The following AGL variants were observed in gnomAD, a reference collection of about 807,000 sequenced individuals.
AGL encodes the protein amylo-alpha-1,6-glucosidase and 4-alpha-glucanotransferase.
Under a neutral mutation model 199.3 loss-of-function variants are expected in AGL, and 128 were observed. The observed-to-expected ratio is 0.64, with a 90% CI of 0.56 to 0.74. The LOEUF is 0.74. Ranked by LOEUF, AGL falls within the 30% of genes least tolerant of loss-of-function variation. The pLI, the probability that AGL is intolerant of heterozygous loss-of-function variation, is 0.00. For missense variants in AGL, 1,809 were observed against 1,820.8 expected (o/e 0.99, Z 0.12); for synonymous variants, 584 against 594.7 (o/e 0.98, Z 0.26).
intron 2 of AGL, among the ~76,000 whole-genome samples, chr1:99,854,670 A>T (rs1429304146): frequency 6.6e-6 from 1 of 151,850 alleles, no homozygotes; most frequent in Non-Finnish European, 1.5e-5. Context: ...AGGCTGAGGC[A>T]GGAGAAAGGC....
In AGL at chr1:99,902,582, A is replaced by G. The variant is rs1653926776; in HGVS notation, c.3589-101A>G. ...CCCCAATTCCTATTTCTCACTTCAA[A>G]GGAAAGTATATATTTTCACATTACT... On this transcript the variant is annotated intron_variant, in intron 26 of 33. Transcript: ENST00000361915. 5 of 969,620 alleles carry G rather than the reference A, an allele frequency of 5.2e-6. No individual in the cohort carries two copies. In the East Asian group the frequency reaches 1.3e-4, roughly 24 times the overall value. The allele number at this position is 969,620 out of a possible 1,614,324, so 60.1% of individuals were successfully genotyped here.
intron 25 of AGL, among the ~76,000 whole-genome samples, chr1:99,899,196 G>A (rs534785087): frequency 6.6e-6 from 1 of 152,246 alleles, no homozygotes; most frequent in East Asian, 1.9e-4. Flanking sequence ...TTGCATTACT[G>A]TTGAAAAGAT....
intron 2 of AGL, among the ~76,000 whole-genome samples, chr1:99,851,430 C>T (rs1467230376): frequency 6.6e-6 from 1 of 152,112 alleles, no homozygotes; most frequent in African/African-American, 2.4e-5. Flanking sequence ...TTTCTAATAA[C>T]ATTTACTATT....
At chr1:99,865,925 G>T (rs574592) in intron 5 of AGL, among the ~76,000 whole-genome samples, 1 of 152,028 alleles carries the variant, frequency 6.6e-6, no homozygotes, top group Non-Finnish European at 1.5e-5. Flanking sequence ...CCAGTTCTAC[G>T]GTGAAAACTT....
intron 28 of AGL, 89 bp downstream of exon 28, chr1:99,910,936 T>G: frequency 7.2e-7 from 1 of 1,390,544 alleles, no homozygotes; most frequent in Non-Finnish European, 1.0e-6. Flanking sequence ...AACTATGAAC[T>G]CTTTACATTA....
Position 99,922,309 on chromosome 1 carries a change from AAC to A in AGL, c.*660_*661del, listed in dbSNP as rs1165070266. 6.6e-6 allele frequency: 1 copy of A among 151,852 alleles called. No individual in the cohort carries two copies. The highest frequency in any genetic ancestry group is 1.5e-5 in the Non-Finnish European group (1 of 67,814). The allele number at this position is 151,852 out of a possible 1,614,324, so 9.4% of individuals were successfully genotyped here. ...AGCATTAGGAAATTTATTTCCTAAA[AAC>A]AGTTTTGTAAAATTAGTATTGAGTT... On this transcript the variant is annotated 3_prime_UTR_variant, in exon 34 of 34. Transcript: ENST00000361915.
At position 99,886,387 on chromosome 1, in the gene AGL, C is replaced by T. The variant is rs117529678; in HGVS notation, c.2682-1591C>T. Among the ~76,000 whole-genome samples the T allele has an allele frequency of 2.6e-4, 40 of 151,970 alleles. No homozygotes were observed. The East Asian group carries it at 6.2e-3, about 24-fold the overall frequency. ...ACAGCTGTTCAGGAAGCTGAGGTAA[C>T]AGCATCAGCATCAGTTGAGCCCAGG... On this transcript the variant is annotated intron_variant, in intron 20 of 33. Transcript: ENST00000361915.
rs1327252701 is a variant in AGL at position 99,864,601 on chromosome 1, A to G, written c.664+12A>G. ...CTACAATCATACTGGTATGAGCTTC[A>G]TTGACTGCCTTCATTAATTTTGATG... On this transcript the variant is annotated intron_variant, in intron 5 of 33. Transcript: ENST00000361915. The G allele has an allele frequency of 1.2e-6, 2 of 1,604,146 alleles. No individual in the cohort carries two copies. Among genetic ancestry groups the G allele is most frequent in the Non-Finnish European group, 1.7e-6 (2 of 1,171,372 alleles).
In AGL at chr1:99,876,598, G is replaced by T. The variant is rs751952198; in HGVS notation, c.1423+1G>T. Reference sequence around the variant, plus strand: ...CCTCTTCGAAACTTTGCTGAACCGGGTATGTAATTTTTAACTTCTCTGTGG... The same window carrying T: ...CCTCTTCGAAACTTTGCTGAACCGGTTATGTAATTTTTAACTTCTCTGTGG... On this transcript the variant is annotated splice_donor_variant, in intron 11 of 33. Transcript: ENST00000361915. LOFTEE classifies it high-confidence loss of function. 3 of 1,613,930 alleles carry T rather than the reference G, an allele frequency of 1.9e-6. No individual in the cohort carries two copies. Among genetic ancestry groups the T allele is most frequent in the Non-Finnish European group, 2.5e-6 (3 of 1,179,936 alleles).
At chr1:99,861,849 T>C in intron 3 of AGL, 136 bp downstream of exon 3, 1 of 1,014,326 alleles carries the variant, frequency 9.9e-7, no homozygotes, top group Non-Finnish European at 1.5e-6. Context: ...AAATAGAATA[T>C]TCTTTGATTT....
chr1:99,850,737 AT>A, intron 1 of AGL: 1 of 350,764 alleles, frequency 2.9e-6, no homozygotes, highest in Non-Finnish European at 5.3e-6. Flanking sequence ...TAGGTTTTTA[AT>A]TTTTTAATTG....
intron 2 of AGL, among the ~76,000 whole-genome samples, chr1:99,857,703 T>TCGG (rs1649643096): frequency 7.0e-6 from 1 of 142,836 alleles, no homozygotes; most frequent in Admixed American, 7.1e-5. Context: ...TCGCAGGCAC[T>TCGG]CGGCAGGCTG....
intron 33 of AGL, among the ~76,000 whole-genome samples, chr1:99,919,081 C>G (rs1655334325): frequency 6.6e-6 from 1 of 152,146 alleles, no homozygotes; most frequent in Non-Finnish European, 1.5e-5. Flanking sequence ...TGTACAGCTC[C>G]TTCCTCTCTA....
chr1:99,902,109 T>A (rs1393867107), intron 26 of AGL, among the ~76,000 whole-genome samples: 3 of 152,178 alleles, frequency 2.0e-5, no homozygotes, highest in Admixed American at 2.0e-4. Flanking sequence ...AACATTTTGC[T>A]TCTATTTAAC....
Position 99,864,602 on chromosome 1 carries a change from T to C in AGL, c.664+13T>C, listed in dbSNP as rs758219105. 6.2e-6 allele frequency: 10 copies of C among 1,603,320 alleles called. No individual in the cohort carries two copies. Among genetic ancestry groups the C allele is most frequent in the African/African-American group, 5.4e-5 (4 of 74,712 alleles). ...TACAATCATACTGGTATGAGCTTCA[T>C]TGACTGCCTTCATTAATTTTGATGA... On this transcript the variant is annotated intron_variant, in intron 5 of 33. Transcript: ENST00000361915.
At chr1:99,872,648 C>T (rs1419321094) in intron 7 of AGL, among the ~76,000 whole-genome samples, 1 of 151,906 alleles carries the variant, frequency 6.6e-6, no homozygotes, top group Non-Finnish European at 1.5e-5. Flanking sequence ...CCTGCCTCAG[C>T]CTCCCAAGTA....
In AGL at chr1:99,916,613, A is replaced by G. The variant is rs766952829; in HGVS notation, c.4363A>G (p.Ile1455Val). The G allele has an allele frequency of 2.5e-6, 4 of 1,612,924 alleles. No homozygotes were observed. The highest frequency in any genetic ancestry group is 1.3e-5 in the African/African-American group (1 of 74,782). ...YHQGPEWLWP[I>V]GYFLRAKLYF... is the part of the protein sequence containing the mutation. The stretch of plus-strand genomic sequence containing the variant: ...TCTTTTTTAGGAGTGGCTGTGGCCT[A>G]TTGGGTATTTTCTTCGTGCAAAATT... Residue 1455 changes from isoleucine to valine, a missense_variant, in exon 33 of 34, where the codon ATT (isoleucine) becomes GTT (valine). By Grantham distance (29) the Ile-to-Val change is conservative. Transcript: ENST00000361915.
chr1:99,908,481 T>C (rs1392405251), intron 27 of AGL, among the ~76,000 whole-genome samples: 3 of 152,166 alleles, frequency 2.0e-5, no homozygotes, highest in African/African-American at 4.8e-5. Flanking sequence ...TAGATTGTTT[T>C]GGCTATTCAA....
intron 25 of AGL, 95 bp downstream of exon 25, chr1:99,896,483 A>G: frequency 4.2e-6 from 4 of 945,730 alleles, no homozygotes; most frequent in Non-Finnish European, 7.0e-6. Flanking sequence ...TTTTCTTAAC[A>G]TTTGGGAGCT....
Sources: gnomAD v4.1 joint callset for allele counts (sites outside exome capture counted in the v4.1 genomes callset) on GRCh38, gnomAD v4.1.1 for gene constraint, MANE v1.5 for transcripts, NCBI Gene and HGNC (gene_info 2026-07-23, HGNC 2026-07-21) for gene names.